Variants in MAST2 observed in about 807,000 individuals in gnomAD.
The protein encoded by MAST2 is microtubule-associated serine/threonine-protein kinase 2.
A neutral mutation model predicts 147.4 loss-of-function variants in MAST2; 70 were observed. The observed-to-expected ratio is 0.47, with a 90% CI of 0.39 to 0.58. The LOEUF is 0.58. Among genes scored for constraint, MAST2 ranks in the 20% least tolerant of loss-of-function variants. The probability of loss-of-function intolerance (pLI) is 0.00; values close to 1 mark genes in which losing one functional copy is unlikely to be tolerated. For synonymous variants in MAST2, 869 were observed against 896.8 expected (o/e 0.97, Z 0.55); for missense variants, 2,080 against 2,302.3 (o/e 0.90, Z 1.98).
chr1:46,018,524 G>A (rs1234085982), intron 10 of MAST2, among the ~76,000 whole-genome samples: 1 of 152,176 alleles, frequency 6.6e-6, no homozygotes, highest in African/African-American at 2.4e-5. Context: ...CCTTAAGAAG[G>A]AACCAGAACT....
intron 4 of MAST2, among the ~76,000 whole-genome samples, chr1:45,903,109 G>A (rs979215866): frequency 2.5e-4 from 34 of 138,484 alleles, no homozygotes; most frequent in African/African-American, 7.2e-4. Flanking sequence ...TAAGCATTTA[G>A]CACTATAAAT....
intron 5 of MAST2, among the ~76,000 whole-genome samples, chr1:45,968,967 A>G (rs1643772749): frequency 6.6e-6 from 1 of 151,008 alleles, no homozygotes; most frequent in Admixed American, 6.6e-5. Context: ...TTTCCCCAGC[A>G]GTGTTCAGTC....
chr1:45,889,765 C>A (rs1236169547), intron 4 of MAST2, among the ~76,000 whole-genome samples: 1 of 151,676 alleles, frequency 6.6e-6, no homozygotes, highest in African/African-American at 2.4e-5. Flanking sequence ...GCCATGACAC[C>A]CAGCTAATTT....
chr1:45,883,911 T>C (rs867809394), intron 4 of MAST2, among the ~76,000 whole-genome samples: 2 of 484 alleles, frequency 4.1e-3, no homozygotes, highest in African/African-American at 8.5e-3. Context: ...CTACTATTTC[T>C]GCCCCCCCCG....
At chr1:45,980,856 T>G (rs919161133) in intron 5 of MAST2, among the ~76,000 whole-genome samples, 1 of 152,062 alleles carries the variant, frequency 6.6e-6, no homozygotes, top group African/African-American at 2.4e-5. Flanking sequence ...TATAACATCT[T>G]AATCTTCCTT....
At chr1:46,033,446 A>G (rs1646763949) in intron 26 of MAST2, among the ~76,000 whole-genome samples, 1 of 151,946 alleles carries the variant, frequency 6.6e-6, no homozygotes, top group Admixed American at 6.6e-5. Flanking sequence ...CTTAAAAAAA[A>G]AAAAAAAAGA....
chr1:45,848,910 A>G (rs1045175721), intron 3 of MAST2, among the ~76,000 whole-genome samples: 2 of 152,194 alleles, frequency 1.3e-5, no homozygotes, highest in African/African-American at 4.8e-5. Context: ...AACATACAAA[A>G]AACCACTAGC....
rs1402807007 is a variant in MAST2, at chr1:45,942,802, A to G, written c.501-16584A>G. On this transcript the variant is annotated intron_variant, in intron 4 of 28. Transcript: ENST00000361297. ...GAATCTTCCTGGTACATGAGATAGA[A>G]CACCTTTACAAATGCAAATTTATAT... Among the ~76,000 whole-genome samples, 5 of 152,362 alleles carry G rather than the reference A, an allele frequency of 3.3e-5. No homozygotes were observed. The East Asian group carries it at 7.7e-4, about 23-fold the overall frequency.
chr1:45,848,277 T>C (rs557919839), intron 3 of MAST2, among the ~76,000 whole-genome samples: 76 of 152,302 alleles, frequency 5.0e-4, no homozygotes, highest in African/African-American at 1.8e-3. Context: ...ACTTGAATGG[T>C]AAACAGTTTC....
chr1:45,883,746 T>G (rs1027011981), intron 4 of MAST2, among the ~76,000 whole-genome samples: 12 of 152,116 alleles, frequency 7.9e-5, no homozygotes, highest in Non-Finnish European at 1.6e-4. Flanking sequence ...GCAGTGGATA[T>G]TCAGTCTAGC....
At chr1:45,918,810 G>A (rs1309015609) in intron 4 of MAST2, among the ~76,000 whole-genome samples, 4 of 152,102 alleles carry the variant, frequency 2.6e-5, no homozygotes, top group Non-Finnish European at 4.4e-5. Flanking sequence ...ATGATCTGAC[G>A]TAGATCAAAA....
chr1:46,021,534 T>C (rs555851960), intron 11 of MAST2, among the ~76,000 whole-genome samples: 5 of 152,268 alleles, frequency 3.3e-5, no homozygotes, highest in African/African-American at 1.2e-4. Flanking sequence ...CAGTAAATAT[T>C]TGAAGGTATA....
chr1:45,837,555 G>T (rs776464509), intron 3 of MAST2, among the ~76,000 whole-genome samples: 1 of 152,168 alleles, frequency 6.6e-6, no homozygotes, highest in Non-Finnish European at 1.5e-5. Context: ...GCCTGTTAGA[G>T]AGAGAGCTGC....
In MAST2 at chr1:45,829,515, A is replaced by G. The variant is rs1313356008; in HGVS notation, c.402A>G (p.Ala134=). 6.2e-7 allele frequency: 1 copy of G among 1,614,224 alleles called. No individual in the cohort carries two copies. The highest frequency in any genetic ancestry group is 8.5e-7 in the Non-Finnish European group (1 of 1,180,028). The change falls in exon 3 of 29, where the codon GCA becomes GCG. Residue 134 remains alanine, a synonymous_variant. Coordinates refer to ENST00000361297, the MANE Select transcript of MAST2 (RefSeq NM_015112.3). ...GQVTWQSSGE[A]SNLVRMRNQS... ...TGACTTGGCAGTCGTCAGGAGAAGC[A>G]TCAAACCTGGTTCGAATGAGAAACC...
In MAST2 at chr1:46,035,927, G is replaced by C. The variant is rs9429089; in HGVS notation, c.5258G>C (p.Arg1753Thr). The C allele has an allele frequency of 1.9e-6, 3 of 1,614,056 alleles. No homozygotes were observed. Among genetic ancestry groups the C allele is most frequent in the Non-Finnish European group, 2.5e-6 (3 of 1,180,020 alleles). Residue 1753 changes from arginine to threonine, a missense_variant, in exon 29 of 29, where the codon AGA (arginine) becomes ACA (threonine). By Grantham distance (71) the Arg-to-Thr change is moderately conservative. Coordinates refer to ENST00000361297, the MANE Select transcript of MAST2 (RefSeq NM_015112.3). This position sits in a 1 kb window ranked among gnomAD's most constrained non-coding sequence, Gnocchi z 5.5. ...ITQVPDASGD[R>T]RQDVPCRGCP... ...CAAGTGCCTGATGCCTCAGGTGACAGAAGGCAGGACGTTCCATGCCGAGGC... is the reference window on the plus strand; with the variant it reads ...CAAGTGCCTGATGCCTCAGGTGACACAAGGCAGGACGTTCCATGCCGAGGC...
chr1:45,888,020 G>T (rs1349232549), intron 4 of MAST2, among the ~76,000 whole-genome samples: 2 of 152,218 alleles, frequency 1.3e-5, no homozygotes, highest in East Asian at 3.8e-4. Context: ...AGCTTTACCT[G>T]TGTAGGTGGG....
chr1:45,886,012 C>T (rs764894140), intron 4 of MAST2, among the ~76,000 whole-genome samples: 11 of 151,798 alleles, frequency 7.2e-5, no homozygotes, highest in African/African-American at 1.2e-4. Context: ...ACCTGTAATC[C>T]GAGCACTTTG....
intron 9 of MAST2, among the ~76,000 whole-genome samples, chr1:46,009,755 C>G (rs562684874): frequency 6.6e-6 from 1 of 152,262 alleles, no homozygotes; most frequent in African/African-American, 2.4e-5. Context: ...TCTTTCTCCT[C>G]TACTCCCACT....
chr1:45,968,232 G>T (rs573590866), intron 5 of MAST2, among the ~76,000 whole-genome samples: 1 of 152,256 alleles, frequency 6.6e-6, no homozygotes, highest in South Asian at 2.1e-4. Context: ...GACAAATTAA[G>T]AATAAGAAAA....
Sources: allele counts gnomAD v4.1 joint callset (sites outside exome capture counted in the v4.1 genomes callset), GRCh38; gene constraint gnomAD v4.1.1; non-coding constraint Gnocchi (gnomAD v3.1); transcripts MANE v1.5; gene names NCBI Gene and HGNC (gene_info 2026-07-23, HGNC 2026-07-21).